CFTR: variants seen among roughly 807,000 people sequenced by gnomAD.
The protein encoded by CFTR is cystic fibrosis transmembrane conductance regulator.
Under a neutral mutation model 171.6 loss-of-function variants are expected in CFTR, and 181 were observed. The ratio of observed to expected loss-of-function variants is 1.05; its 90% CI spans 0.93 to 1.19. CFTR has a LOEUF of 1.19. Among genes scored for constraint, CFTR ranks in the 50% most tolerant of loss-of-function variants. CFTR has a pLI of 0.00. For missense variants in CFTR, 1,968 were observed against 1,734.7 expected, an observed-to-expected ratio of 1.13 and a Z score of -2.39; for synonymous variants, 583 against 608.0, an observed-to-expected ratio of 0.96 and a Z score of 0.60.
chr7:117,588,212 A>G (rs1461090476), intron 12 of CFTR, among the ~76,000 whole-genome samples: 1 of 152,124 alleles, frequency 6.6e-6, no homozygotes, highest in African/African-American at 2.4e-5. Flanking sequence ...GCTTCTTGGT[A>G]TAGATAAACA....
At chr7:117,562,864 G>T (rs556740539) in intron 11 of CFTR, among the ~76,000 whole-genome samples, 12 of 152,262 alleles carry the variant, frequency 7.9e-5, no homozygotes, top group African/African-American at 2.9e-4. Flanking sequence ...AGAGGAAATT[G>T]TATGAACAGA....
At chr7:117,546,235 A>C (rs1799145340) in intron 9 of CFTR, among the ~76,000 whole-genome samples, 1 of 151,364 alleles carries the variant, frequency 6.6e-6, no homozygotes. Context: ...CTCGTGATCC[A>C]CTCGCCTCGG....
At chr7:117,665,363 T>C in intron 25 of CFTR, 96 bp from the exon 26 acceptor site, 1 of 764,420 alleles carries the variant, frequency 1.3e-6, no homozygotes, top group Non-Finnish European at 2.2e-6. Flanking sequence ...AAATAAGTAA[T>C]TTAAAGAGAT....
intron 3 of CFTR, among the ~76,000 whole-genome samples, chr7:117,510,170 T>TGAAACCATTTGGGCATTTGGGG (rs1798492819): frequency 6.6e-6 from 1 of 152,182 alleles, no homozygotes; most frequent in South Asian, 2.1e-4. Context: ...TATGGAAATC[T>TGAAACCATTTGGGCATTTGGGG]GAAACCATTT....
Position 117,664,752 on chromosome 7 carries a change from G to T in CFTR, c.4028G>T (p.Gly1343Val), listed in dbSNP as rs773458471. 4 of 1,613,832 alleles carry T rather than the reference G, an allele frequency of 2.5e-6. No individual in the cohort carries two copies. Among genetic ancestry groups the T allele is most frequent in the African/African-American group, 1.3e-5 (1 of 74,916 alleles). Residue 1343 changes from glycine to valine, a missense_variant, in exon 25 of 27, where the codon GGC becomes GTC. Coordinates refer to ENST00000003084, the MANE Select transcript of CFTR (RefSeq NM_000492.4). Reference sequence around the variant, plus strand: ...CTTGACTTTGTCCTTGTGGATGGGGGCTGTGTCCTAAGCCATGGCCACAAG... The same window carrying T: ...CTTGACTTTGTCCTTGTGGATGGGGTCTGTGTCCTAAGCCATGGCCACAAG... Reference protein sequence around the residue: ...GKLDFVLVDGGCVLSHGHKQL... With the variant: ...GKLDFVLVDGVCVLSHGHKQL...
intron 11 of CFTR, among the ~76,000 whole-genome samples, chr7:117,574,809 CT>C (rs1316611935): frequency 7.9e-5 from 12 of 152,160 alleles, no homozygotes; most frequent in African/African-American, 2.2e-4. Context: ...TATTTAGTAG[CT>C]TTTTTGTGTG....
At chr7:117,529,681 T>C (rs1798826958) in intron 3 of CFTR, among the ~76,000 whole-genome samples, 2 of 152,110 alleles carry the variant, frequency 1.3e-5, no homozygotes, top group Admixed American at 1.3e-4. Context: ...GGGGATGACA[T>C]TGATGTAGAA....
At chr7:117,593,743 G>A (rs1285394746) in intron 14 of CFTR, among the ~76,000 whole-genome samples, 7 of 151,956 alleles carry the variant, frequency 4.6e-5, no homozygotes, top group Non-Finnish European at 7.4e-5. Context: ...TTACAGGCAT[G>A]CACCACCATG....
chr7:117,582,625 G>T (rs943412627), intron 11 of CFTR, among the ~76,000 whole-genome samples: 1 of 152,018 alleles, frequency 6.6e-6, no homozygotes, highest in Non-Finnish European at 1.5e-5. Flanking sequence ...TGCATACCAT[G>T]GCTTACTGAC....
At chr7:117,525,351 A>C (rs1280960031) in intron 3 of CFTR, among the ~76,000 whole-genome samples, 1 of 143,412 alleles carries the variant, frequency 7.0e-6, no homozygotes, top group Non-Finnish European at 1.5e-5. Flanking sequence ...AAAAAAATGT[A>C]TATTCTGTTG....
intron 13 of CFTR, among the ~76,000 whole-genome samples, chr7:117,591,181 A>C (rs1185576959): frequency 1.3e-5 from 2 of 152,170 alleles, no homozygotes; most frequent in East Asian, 3.8e-4. Context: ...TTAATATCCA[A>C]GATACTATCT....
chr7:117,621,915 CA>C (rs2116115314), intron 21 of CFTR, among the ~76,000 whole-genome samples: 1 of 152,212 alleles, frequency 6.6e-6, no homozygotes, highest in South Asian at 2.1e-4. Flanking sequence ...CCATGTTTAC[CA>C]AAGTTCTTAG....
intron 11 of CFTR, among the ~76,000 whole-genome samples, chr7:117,574,649 T>C (rs1205135790): frequency 6.6e-6 from 1 of 152,156 alleles, no homozygotes; most frequent in East Asian, 1.9e-4. Flanking sequence ...AGACAAATTC[T>C]AAGTAGGACT....
intron 22 of CFTR, among the ~76,000 whole-genome samples, chr7:117,637,246 A>G (rs1269050808): frequency 1.4e-5 from 2 of 141,672 alleles, no homozygotes; most frequent in South Asian, 2.2e-4. Flanking sequence ...GCCTTTTAGT[A>G]AGCCTTGTAA....
At chr7:117,601,361 T>C (rs575873533) in intron 15 of CFTR, among the ~76,000 whole-genome samples, 7 of 152,268 alleles carry the variant, frequency 4.6e-5, no homozygotes, top group African/African-American at 1.7e-4. Flanking sequence ...ATAGAAGCTC[T>C]GTGTACAATG....
At chr7:117,649,434 A>C (rs975551162) in intron 23 of CFTR, among the ~76,000 whole-genome samples, 13 of 149,358 alleles carry the variant, frequency 8.7e-5, no homozygotes, top group Admixed American at 1.3e-4. Flanking sequence ...ATATATACCT[A>C]CATACATATG....
At chr7:117,608,540 T>C (rs1792336323) in intron 18 of CFTR, among the ~76,000 whole-genome samples, 1 of 152,178 alleles carries the variant, frequency 6.6e-6, no homozygotes, top group Non-Finnish European at 1.5e-5. Context: ...CTAAGATTCA[T>C]TTGTTGTTGT....
At chr7:117,490,529 G>A (rs1798144164) in intron 1 of CFTR, among the ~76,000 whole-genome samples, 3 of 151,864 alleles carry the variant, frequency 2.0e-5, no homozygotes, top group South Asian at 4.1e-4. Context: ...TTCTATACAG[G>A]CCTTCAACCG....
intron 1 of CFTR, among the ~76,000 whole-genome samples, chr7:117,493,894 C>T (rs1251514097): frequency 6.6e-6 from 1 of 151,908 alleles, no homozygotes; most frequent in Non-Finnish European, 1.5e-5. Flanking sequence ...TCTTTGAATC[C>T]TTCTGAGAAA....
Sources: gnomAD v4.1 joint callset for allele counts (sites outside exome capture counted in the v4.1 genomes callset) on GRCh38, gnomAD v4.1.1 for gene constraint, MANE v1.5 for transcripts, NCBI Gene and HGNC (gene_info 2026-07-23, HGNC 2026-07-21) for gene names.